Variants in LPIN2 observed in about 807,000 individuals in gnomAD.
The protein encoded by LPIN2 is phosphatidate phosphatase LPIN2.
Under a neutral mutation model 111.4 loss-of-function variants are expected in LPIN2, and 55 were observed. That is an observed-to-expected ratio of 0.49 (90% confidence interval 0.40 to 0.62). The LOEUF (loss-of-function observed/expected upper bound fraction) is 0.62, where lower values mean the gene tolerates loss of function less well. Ranked by LOEUF, LPIN2 falls within the 20% of genes least tolerant of loss-of-function variation. LPIN2 has a pLI of 0.00. For missense variants in LPIN2, 992 were observed against 1,112.1 expected (o/e 0.89, Z 1.54); for synonymous variants, 425 against 414.0 (o/e 1.03, Z -0.32).
chr18:2,979,063 C>T (rs750230920), intron 1 of LPIN2: 4 of 152,366 alleles, frequency 2.6e-5, no homozygotes, highest in South Asian at 2.1e-4. Context: ...TTTCCTGCCT[C>T]ACTTCCTGGC....
intron 1 of LPIN2, among the ~76,000 whole-genome samples, chr18:2,984,824 G>C (rs2078164283): frequency 6.6e-6 from 1 of 152,124 alleles, no homozygotes; most frequent in South Asian, 2.1e-4. Flanking sequence ...TTCTGGTTCA[G>C]TGCTTTTTTG....
chr18:2,956,311 G>GGGGTGTGTGTGTGT (rs537302837), intron 2 of LPIN2, among the ~76,000 whole-genome samples: 3 of 143,960 alleles, frequency 2.1e-5, no homozygotes, highest in Non-Finnish European at 4.5e-5. Context: ...TAGATGCAGG[G>GGGGTGTGTGTGTGT]GTGTGTGTGT....
intron 1 of LPIN2, among the ~76,000 whole-genome samples, chr18:2,964,156 G>A (rs796319569): frequency 1.3e-5 from 2 of 151,326 alleles, no homozygotes; most frequent in African/African-American, 4.9e-5. Context: ...GATGGCGTGC[G>A]CCTGTAGTCC....
intron 1 of LPIN2, among the ~76,000 whole-genome samples, chr18:2,981,373 G>C (rs1360358036): frequency 6.6e-6 from 1 of 152,170 alleles, no homozygotes; most frequent in Admixed American, 6.5e-5. Context: ...GGACAGGGAG[G>C]TGACTCATTA....
intron 16 of LPIN2, among the ~76,000 whole-genome samples, chr18:2,923,420 C>CAAAAAAA (rs869052239): frequency 1.9e-4 from 5 of 26,586 alleles, no homozygotes; most frequent in East Asian, 9.1e-4. Context: ...AACTCCATCT[C>CAAAAAAA]AAAAAAAAAA....
chr18:2,924,453 G>C lies in LPIN2; in HGVS notation c.2032C>G (p.Leu678Val). Residue 678 changes from leucine (L) to valine (V), a missense_variant, in exon 15 of 20, where the codon CTG becomes GTG. Around this residue, in one of 4 missense-constraint regions of LPIN2, gnomAD observed 709 missense variants for 753.2 expected, o/e 0.94. Transcript: ENST00000677752. ...ATGATCTTGTCATTCCAGTTCCACA[G>C]GTAAATGGTCCCTGCACAGCGACAG... is the stretch of plus-strand genomic sequence containing the variant. ...GTCRCAGTIY[L>V]WNWNDKIIIS... 6.2e-7 allele frequency: 1 copy of C among 1,614,152 alleles called. No homozygotes were observed. Among genetic ancestry groups the C allele is most frequent in the Non-Finnish European group, 8.5e-7 (1 of 1,180,006 alleles).
chr18:2,956,179 AC>A (rs1301655543), intron 2 of LPIN2, among the ~76,000 whole-genome samples: 6 of 152,232 alleles, frequency 3.9e-5, no homozygotes, highest in Admixed American at 2.0e-4. Context: ...AGATATACTG[AC>A]GATAATCAGA....
intron 19 of LPIN2, 83 bp downstream of exon 19, chr18:2,920,694 CA>C (rs1183314347): frequency 3.0e-5 from 31 of 1,037,492 alleles, no homozygotes; most frequent in Non-Finnish European, 4.5e-5. Context: ...TCTCAAGGAT[CA>C]GGGGGAAAAG....
intron 1 of LPIN2, among the ~76,000 whole-genome samples, chr18:2,965,585 G>T (rs970816779): frequency 6.6e-6 from 1 of 151,840 alleles, no homozygotes; most frequent in African/African-American, 2.4e-5. Context: ...AAAAAAATTG[G>T]CCTGTATCGT....
chr18:3,002,722 A>AT (rs1269337458), intron 1 of LPIN2, among the ~76,000 whole-genome samples: 1 of 152,232 alleles, frequency 6.6e-6, no homozygotes, highest in Non-Finnish European at 1.5e-5. Flanking sequence ...TTTCTTTGAG[A>AT]TAAAAACAAG....
intron 7 of LPIN2, among the ~76,000 whole-genome samples, chr18:2,937,320 G>C: frequency 6.6e-6 from 1 of 152,106 alleles, no homozygotes; most frequent in Non-Finnish European, 1.5e-5. Context: ...GAGGTGGGCA[G>C]ATCACCTGAG....
chr18:2,925,844 G>A lies in LPIN2; in HGVS notation c.1794-476C>T, dbSNP rs1401627318. 6.6e-6 allele frequency among the ~76,000 whole-genome samples: 1 copy of A among 151,504 alleles called. No homozygotes were observed. Among genetic ancestry groups the A allele is most frequent in the Non-Finnish European group, 1.5e-5 (1 of 67,824 alleles). On this transcript the variant is annotated intron_variant, in intron 13 of 19. Transcript: ENST00000677752. The surrounding 1 kb of genome is among the most constrained non-coding windows in gnomAD (Gnocchi z 4.1). ...AACATAGGGAGACCCAGTTTCTACG[G>A]AACATTTAAAAATTAGCCAGGGGTA...
At chr18:2,939,693 A>C in intron 5 of LPIN2, 90 bp from the exon 6 acceptor site, 1 of 1,424,136 alleles carries the variant, frequency 7.0e-7, no homozygotes, top group East Asian at 2.4e-5. Flanking sequence ...ACAAATCTGA[A>C]TATCTTGACT....
chr18:2,930,396 GCAAA>G (rs1298876083), intron 9 of LPIN2, among the ~76,000 whole-genome samples: 3 of 152,108 alleles, frequency 2.0e-5, no homozygotes, highest in African/African-American at 7.2e-5. Flanking sequence ...AAAATATAAA[GCAAA>G]CAAACAATGA....
Position 2,972,025 on chromosome 18 carries a change from C to T in LPIN2, c.-9-11176G>A, listed in dbSNP as rs553864503. Among the ~76,000 whole-genome samples the T allele has an allele frequency of 3.3e-5, 5 of 151,894 alleles. No homozygotes were observed. The East Asian group carries it at 9.7e-4, about 29-fold the overall frequency. ...TCGCGCCACTGCATTACAGCCTGGG[C>T]GACAGAGTGAAACTCCATATCAAAA... is the stretch of plus-strand genomic sequence containing the variant. On this transcript the variant is annotated intron_variant, in intron 1 of 19. Transcript: ENST00000677752.
At position 2,938,007 on chromosome 18, in the gene LPIN2, G is replaced by C; in HGVS notation, c.853C>G (p.Pro285Ala). 1 of 1,614,034 alleles carries C rather than the reference G, an allele frequency of 6.2e-7. No homozygotes were observed. Among genetic ancestry groups the C allele is most frequent in the Non-Finnish European group, 8.5e-7 (1 of 1,180,006 alleles). ...VSKRERSDHHPRTATITPSEN... is the reference protein window; with the variant it reads ...VSKRERSDHHARTATITPSEN... ...GATGGTGTAATTGTAGCTGTCCTAG[G>C]ATGATGGTCAGATCGTTCTCTTTTG... Residue 285 changes from proline (P) to alanine (A), a missense_variant, in exon 7 of 20, where the codon CCT becomes GCT. Pro to Ala is a conservative substitution (Grantham distance 27). This residue lies in a region of LPIN2 where 709 missense variants were observed against 753.2 expected (regional missense o/e 0.94). Coordinates refer to ENST00000677752, the MANE Select transcript of LPIN2 (RefSeq NM_001375808.2).
At position 2,918,962 on chromosome 18, in the gene LPIN2, A is replaced by T. The variant is rs1355973288; in HGVS notation, c.*1331T>A. ...TCCTGTGTTCTCGCCAATGGAGACCAAGACCTGGGGTTGGTTCTGGGCTCC... is the reference window on the plus strand; with the variant it reads ...TCCTGTGTTCTCGCCAATGGAGACCTAGACCTGGGGTTGGTTCTGGGCTCC... On this transcript the variant is annotated 3_prime_UTR_variant, in exon 20 of 20. Transcript: ENST00000677752. The T allele has an allele frequency of 6.6e-6, 1 of 152,128 alleles. No homozygotes were observed. Among genetic ancestry groups the T allele is most frequent in the Non-Finnish European group, 1.5e-5 (1 of 68,032 alleles). The allele number at this position is 152,128 out of a possible 1,614,324, so 9.4% of individuals were successfully genotyped here.
intron 4 of LPIN2, chr18:2,950,751 A>G: frequency 2.4e-6 from 1 of 418,572 alleles, no homozygotes; most frequent in Non-Finnish European, 4.4e-6. Flanking sequence ...GTCCAACTGG[A>G]TCTGCTCACC....
intron 18 of LPIN2, chr18:2,921,147 A>G (rs1157717019): frequency 3.5e-6 from 2 of 565,672 alleles, no homozygotes; most frequent in Admixed American, 3.0e-5. Flanking sequence ...TCTTCTGCAC[A>G]CCTGAGGCCC....
Sources: allele counts gnomAD v4.1 joint callset (sites outside exome capture counted in the v4.1 genomes callset), GRCh38; gene constraint gnomAD v4.1.1; regional missense constraint gnomAD v4.1.1; non-coding constraint Gnocchi (gnomAD v3.1); transcripts MANE v1.5; gene names NCBI Gene and HGNC (gene_info 2026-07-23, HGNC 2026-07-21).